The following CYP4F3 variants were observed in gnomAD, a reference collection of about 807,000 sequenced individuals.
CYP4F3 encodes the protein cytochrome P450 family 4 subfamily F member 3.
Under a neutral mutation model 54.8 loss-of-function variants are expected in CYP4F3, and 50 were observed. The observed-to-expected ratio is 0.91, with a 90% CI of 0.73 to 1.16. CYP4F3 has a LOEUF of 1.16. CYP4F3 is among the 50% of genes most tolerant of loss of function. The pLI is 0.00. For missense variants in CYP4F3, 715 were observed against 676.2 expected, an observed-to-expected ratio of 1.06 and a Z score of -0.64; for synonymous variants, 244 against 262.6, an observed-to-expected ratio of 0.93 and a Z score of 0.69.
chr19:15,642,065 C>T (rs1178756816), intron 2 of CYP4F3, among the ~76,000 whole-genome samples: 1 of 152,162 alleles, frequency 6.6e-6, no homozygotes, highest in Non-Finnish European at 1.5e-5. Context: ...TCCGGAGGCA[C>T]CTTCCTCTTA....
chr19:15,641,867 C>T (rs141292088), intron 2 of CYP4F3, among the ~76,000 whole-genome samples: 94 of 152,250 alleles, frequency 6.2e-4, no homozygotes, highest in African/African-American at 2.1e-3. Flanking sequence ...TGCACCTCTG[C>T]GGGGCTCTTG....
intron 1 of CYP4F3, 89 bp from the exon 2 acceptor site, chr19:15,641,326 C>T: frequency 1.3e-6 from 2 of 1,487,616 alleles, no homozygotes; most frequent in South Asian, 2.4e-5. Flanking sequence ...CCAGCACTGC[C>T]CGTCTCTGCC....
chr19:15,650,401 C>G (rs1972760286), intron 7 of CYP4F3: 1 of 896,650 alleles, frequency 1.1e-6, no homozygotes, highest in African/African-American at 1.7e-5. Context: ...GAGATTTACT[C>G]TATTTATAAG....
At chr19:15,656,498 T>TATCA (rs1973016436) in intron 9 of CYP4F3, among the ~76,000 whole-genome samples, 1 of 72,430 alleles carries the variant, frequency 1.4e-5, no homozygotes, top group Non-Finnish European at 2.4e-5. Flanking sequence ...TCTATCTATC[T>TATCA]ATCTATCTAT....
chr19:15,657,114 A>C (rs1973048386), intron 9 of CYP4F3, among the ~76,000 whole-genome samples: 1 of 152,084 alleles, frequency 6.6e-6, no homozygotes, highest in African/African-American at 2.4e-5. Flanking sequence ...ATAGTATTCC[A>C]TTGTGTGGCT....
chr19:15,653,258 AT>A (rs1252987059), intron 9 of CYP4F3, among the ~76,000 whole-genome samples: 1 of 152,102 alleles, frequency 6.6e-6, no homozygotes, highest in Non-Finnish European at 1.5e-5. Context: ...TCCAAGAAAT[AT>A]TTTTTTGAAT....
In CYP4F3 at chr19:15,654,615, T is replaced by G. The variant is rs117934074; in HGVS notation, c.1115+1663T>G. On this transcript the variant is annotated intron_variant, in intron 9 of 12. Coordinates refer to ENST00000221307, the MANE Select transcript of CYP4F3 (RefSeq NM_000896.3). ...TGAGTGAGAACATGCGATATTTGTC[T>G]TTCTGTTTTTGGCTTATTTACTTAC... Among the ~76,000 whole-genome samples, 955 of 152,342 alleles carry G rather than the reference T, an allele frequency of 6.3e-3. 34 individuals are homozygous for G. The East Asian group carries it at 0.11, about 17-fold the overall frequency.
At chr19:15,656,928 G>A (rs934208175) in intron 9 of CYP4F3, among the ~76,000 whole-genome samples, 2 of 151,974 alleles carry the variant, frequency 1.3e-5, no homozygotes, top group Non-Finnish European at 2.9e-5. Flanking sequence ...TCTGAGTGCT[G>A]TATATTTTAT....
In CYP4F3 at chr19:15,647,070, A is replaced by G. The variant is rs1306299969; in HGVS notation, c.362A>G (p.Asp121Gly). 1 of 1,614,182 alleles carries G rather than the reference A, an allele frequency of 6.2e-7. No individual in the cohort carries two copies. The highest frequency in any genetic ancestry group is 8.5e-7 in the Non-Finnish European group (1 of 1,180,026). ...LFAPAAIVPK[D>G]KVFYSFLKPW... ...ATGTCAGCTGCCATTGTACCAAAGG[A>G]CAAGGTCTTCTACAGCTTCCTGAAG... Residue 121 changes from aspartate to glycine, a missense_variant, in exon 4 of 13, where the codon GAC (aspartate) becomes GGC (glycine). Transcript: ENST00000221307.
rs1231683276 is a variant in CYP4F3, at chr19:15,661,294, AAAACAAAAACAAAAC to A, written c.*1913_*1927del. The A allele has an allele frequency of 1.4e-5, 2 of 145,310 alleles. No homozygotes were observed. The highest frequency in any genetic ancestry group is 2.5e-5 in the African/African-American group (1 of 39,734). The allele number at this position is 145,310 out of a possible 1,614,324, so 9.0% of individuals were successfully genotyped here. ...AAAACAAAACAAAACAAAACAAAAC[AAAACAAAAACAAAAC>A]AAAACAAAACAAAACACTGCCAAAC... is the stretch of plus-strand genomic sequence containing the variant. On this transcript the variant is annotated 3_prime_UTR_variant, in exon 13 of 13. Coordinates refer to ENST00000221307, the MANE Select transcript of CYP4F3 (RefSeq NM_000896.3).
chr19:15,647,644 G>T (rs535510059), intron 5 of CYP4F3, among the ~76,000 whole-genome samples: 1 of 152,294 alleles, frequency 6.6e-6, no homozygotes, highest in South Asian at 2.1e-4. Context: ...AAACTCATTG[G>T]TTTAAACCAA....
chr19:15,656,770 TC>T (rs1973037799), intron 9 of CYP4F3, among the ~76,000 whole-genome samples: 1 of 106,366 alleles, frequency 9.4e-6, no homozygotes, highest in Admixed American at 1.0e-4. Flanking sequence ...CTATCTATCA[TC>T]CATCCATCCA....
chr19:15,647,194 C>T lies in CYP4F3; in HGVS notation c.398-3C>T, dbSNP rs765217854. The T allele has an allele frequency of 4.3e-6, 7 of 1,614,238 alleles. No individual in the cohort carries two copies. Among genetic ancestry groups the T allele is most frequent in the Middle Eastern group, 1.6e-4 (1 of 6,062 alleles). On this transcript the variant is annotated splice_polypyrimidine_tract_variant and splice_region_variant and intron_variant, in intron 4 of 12. Coordinates refer to ENST00000221307, the MANE Select transcript of CYP4F3 (RefSeq NM_000896.3). Reference sequence around the variant, plus strand: ...TGCCCATGGCCCTTGGCTGCCCTGCCAGGGGATGGGCTCCTGCTGAGTGCT... The same window carrying T: ...TGCCCATGGCCCTTGGCTGCCCTGCTAGGGGATGGGCTCCTGCTGAGTGCT...
At chr19:15,644,696 G>A (rs1972574142) in intron 2 of CYP4F3, among the ~76,000 whole-genome samples, 1 of 152,222 alleles carries the variant, frequency 6.6e-6, no homozygotes, top group Admixed American at 6.5e-5. Flanking sequence ...TCTGCCCTAA[G>A]TTCATTGCTT....
chr19:15,658,916 C>T lies in CYP4F3; in HGVS notation c.1397+107C>T, dbSNP rs1599919227. On this transcript the variant is annotated intron_variant, in intron 12 of 12. Transcript: ENST00000221307. ...TGTAGACGGTCCGAGTTCCAGCTCT[C>T]CTTCCCTCACCTCCTCTGGAGTTTA... The T allele has an allele frequency of 3.5e-6, 5 of 1,418,990 alleles. No individual in the cohort carries two copies. The African/African-American group carries it at 4.3e-5, about 12-fold the overall frequency. The allele number at this position is 1,418,990 out of a possible 1,614,324, so 87.9% of individuals were successfully genotyped here.
chr19:15,649,380 T>C (rs1179579515), intron 6 of CYP4F3, 99 bp downstream of exon 6: 1 of 1,579,792 alleles, frequency 6.3e-7, no homozygotes, highest in African/African-American at 1.4e-5. Context: ...ACAAACCTTC[T>C]TGGAGGAGTT....
At chr19:15,658,054 C>A (rs1973074266) in intron 9 of CYP4F3, 2 of 931,630 alleles carry the variant, frequency 2.1e-6, no homozygotes, top group South Asian at 4.9e-5. Flanking sequence ...ATTCTCATGT[C>A]TTTTTCTGAG....
At chr19:15,647,127 G>A in intron 4 of CYP4F3, 22 bp downstream of exon 4, 2 of 1,614,012 alleles carry the variant, frequency 1.2e-6, no homozygotes, top group Non-Finnish European at 1.7e-6. Flanking sequence ...TAGGTGAACA[G>A]GGTTGGGAAC....
At position 15,641,510 on chromosome 19, in the gene CYP4F3, C is replaced by T; in HGVS notation, c.95C>T (p.Ala32Val). 1 of 1,614,190 alleles carries T rather than the reference C, an allele frequency of 6.2e-7. No individual in the cohort carries two copies. The highest frequency in any genetic ancestry group is 2.2e-5 in the East Asian group (1 of 44,858). ...LLLVGASWLL[A>V]RILAWTYTFY... ...CTGGTTGGGGCCTCCTGGCTCCTGG[C>T]CCGCATCCTGGCCTGGACCTATACC... is the stretch of plus-strand genomic sequence containing the variant. Residue 32 changes from alanine to valine, a missense_variant, in exon 2 of 13, where the codon GCC becomes GTC. Physicochemically the swap from Ala to Val is moderately conservative, Grantham distance 64 (BLOSUM62 0). Transcript: ENST00000221307.
Sources: gnomAD v4.1 joint callset for allele counts (sites outside exome capture counted in the v4.1 genomes callset) on GRCh38, gnomAD v4.1.1 for gene constraint, MANE v1.5 for transcripts, NCBI Gene and HGNC (gene_info 2026-07-23, HGNC 2026-07-21) for gene names.